The following LUZP1 variants were observed in gnomAD, a reference collection of about 807,000 sequenced individuals.
The protein encoded by LUZP1 is filamin mechanobinding actin cross-linking protein.
A neutral mutation model predicts 71.3 loss-of-function variants in LUZP1; 25 were observed. The observed-to-expected ratio is 0.35, with a 90% CI of 0.26 to 0.49. The LOEUF is 0.49. LUZP1 is among the 20% of genes least tolerant of loss of function. The pLI is 0.99. For synonymous variants in LUZP1, 481 were observed against 506.4 expected (o/e 0.95, Z 0.67); for missense variants, 1,142 against 1,300.8 (o/e 0.88, Z 1.88).
intron 2 of LUZP1, among the ~76,000 whole-genome samples, chr1:23,161,385 C>T (rs549121872): frequency 6.6e-6 from 1 of 152,254 alleles, no homozygotes; most frequent in East Asian, 1.9e-4. Flanking sequence ...TGAAGGCAGC[C>T]ATGCAAAGAG....
At position 23,173,562 on chromosome 1, in the gene LUZP1, G is replaced by T. The variant is rs563034130; in HGVS notation, c.-485+3929C>A. Among the ~76,000 whole-genome samples the T allele has an allele frequency of 5.3e-5, 8 of 151,844 alleles. No homozygotes were observed. The South Asian group carries it at 1.7e-3, about 32-fold the overall frequency. On this transcript the variant is annotated intron_variant, in intron 1 of 4. Transcript: ENST00000302291. Reference sequence around the variant, plus strand: ...GGTAGAGATGGGGTTTCACCATGCTGCCCAGGCTGGTCTCCATCTTCTGAG... The same window carrying T: ...GGTAGAGATGGGGTTTCACCATGCTTCCCAGGCTGGTCTCCATCTTCTGAG...
chr1:23,150,378 G>A (rs936312623), intron 2 of LUZP1, among the ~76,000 whole-genome samples: 2 of 152,126 alleles, frequency 1.3e-5, no homozygotes, highest in Non-Finnish European at 2.9e-5. Context: ...TGCTCCCCTC[G>A]TCCAAGGAGT....
At position 23,093,113 on chromosome 1, in the gene LUZP1, A is replaced by G. The variant is rs773215252; in HGVS notation, c.1149T>C (p.Ala383=). 5.0e-6 allele frequency: 8 copies of G among 1,614,006 alleles called. No individual in the cohort carries two copies. The highest frequency in any genetic ancestry group is 6.8e-6 in the Non-Finnish European group (8 of 1,180,016). Residue 383 remains alanine (A), a synonymous_variant, in exon 4 of 5, where the codon GCT becomes GCC. Coordinates refer to ENST00000302291, the Ensembl canonical transcript of LUZP1. This position sits in a 1 kb window ranked among gnomAD's most constrained non-coding sequence, Gnocchi z 4.2. Reference sequence around the variant, plus strand: ...CCCGCGCTGTGTGCTTGGACACAGAAGCTTCACTTCCGTGGCCTCTAAACT... The same window carrying G: ...CCCGCGCTGTGTGCTTGGACACAGAGGCTTCACTTCCGTGGCCTCTAAACT...
At chr1:23,173,126 T>C (rs1644561965) in intron 1 of LUZP1, among the ~76,000 whole-genome samples, 1 of 151,300 alleles carries the variant, frequency 6.6e-6, no homozygotes, top group Admixed American at 6.6e-5. Flanking sequence ...GCATGGTGGC[T>C]CACACCTGTG....
intron 2 of LUZP1, among the ~76,000 whole-genome samples, chr1:23,114,704 A>C (rs1644063693): frequency 6.6e-6 from 1 of 152,238 alleles, no homozygotes; most frequent in Non-Finnish European, 1.5e-5. Flanking sequence ...ATCCAGAGCC[A>C]GTGATCTTTT....
chr1:23,105,810 T>C (rs1238288031), intron 3 of LUZP1, among the ~76,000 whole-genome samples: 1 of 152,104 alleles, frequency 6.6e-6, no homozygotes, highest in East Asian at 1.9e-4. Flanking sequence ...TTAACACTGA[T>C]CTATTACAAT....
intron 4 of LUZP1, among the ~76,000 whole-genome samples, chr1:23,089,743 C>T (rs936710872): frequency 6.8e-6 from 1 of 147,998 alleles, no homozygotes; most frequent in Non-Finnish European, 1.5e-5. Context: ...CAAGCACGCA[C>T]CACCACACCT....
chr1:23,158,073 T>C (rs1366765273), intron 2 of LUZP1, among the ~76,000 whole-genome samples: 1 of 152,020 alleles, frequency 6.6e-6, no homozygotes, highest in Non-Finnish European at 1.5e-5. Context: ...TGAAACTACA[T>C]AGTAACAAAA....
At chr1:23,158,129 A>C (rs1362561694) in intron 2 of LUZP1, among the ~76,000 whole-genome samples, 3 of 152,230 alleles carry the variant, frequency 2.0e-5, no homozygotes, top group Non-Finnish European at 4.4e-5. Flanking sequence ...AAGCAGTCAA[A>C]TGATACTGAA....
At chr1:23,089,341 G>C (rs1410524931) in intron 4 of LUZP1, among the ~76,000 whole-genome samples, 4 of 152,160 alleles carry the variant, frequency 2.6e-5, no homozygotes, top group Non-Finnish European at 5.9e-5. Flanking sequence ...CCTGGAATGG[G>C]GGCATGGGAC....
chr1:23,125,521 A>C (rs960570497), intron 2 of LUZP1, among the ~76,000 whole-genome samples: 1 of 152,208 alleles, frequency 6.6e-6, no homozygotes, highest in African/African-American at 2.4e-5. Context: ...AAATAACTAG[A>C]ATTTTCAATA....
At chr1:23,137,689 T>C (rs1233575804) in intron 2 of LUZP1, among the ~76,000 whole-genome samples, 1 of 151,136 alleles carries the variant, frequency 6.6e-6, no homozygotes, top group Admixed American at 6.6e-5. Context: ...ATGGCTGTAA[T>C]AAAAAAAAGA....
Position 23,109,130 on chromosome 1 carries a change from G to T in LUZP1, c.-225-3C>A, listed in dbSNP as rs1454589159. ...TTCAAAGGCAGTTGTCTCTTGACCT[G>T]GATAGAATATAAACAGAATGGAAGA... On this transcript the variant is annotated splice_region_variant and splice_polypyrimidine_tract_variant and intron_variant, in intron 2 of 4. Transcript: ENST00000302291. 1 of 152,246 alleles carries T rather than the reference G, an allele frequency of 6.6e-6. No homozygotes were observed. The highest frequency in any genetic ancestry group is 1.9e-4 in the East Asian group (1 of 5,182). 9.4% of individuals were successfully genotyped at this position (152,246 alleles called of 1,614,324 possible).
chr1:23,161,072 T>A (rs1644460735), intron 2 of LUZP1, among the ~76,000 whole-genome samples: 1 of 152,128 alleles, frequency 6.6e-6, no homozygotes, highest in Non-Finnish European at 1.5e-5. Context: ...GGACAAAAGA[T>A]AATGGGACCA....
chr1:23,138,210 G>A (rs986325329), intron 2 of LUZP1, among the ~76,000 whole-genome samples: 1 of 152,044 alleles, frequency 6.6e-6, no homozygotes, highest in Non-Finnish European at 1.5e-5. Flanking sequence ...CTGAGCTCAG[G>A]CAATCCACCC....
chr1:23,093,299 G>T lies in LUZP1; in HGVS notation c.963C>A (p.Asp321Glu). ...GTTCACTTAGGTAATTATCCTGAAG[G>T]TCGTTATTTTTGGACTTCATTTTCT... The change falls in exon 4 of 5, where the codon GAC becomes GAA. Residue 321 changes from aspartate to glutamate, a missense_variant. Asp to Glu is a conservative substitution (Grantham distance 45, BLOSUM62 2). Transcript: ENST00000302291. This position sits in a 1 kb window ranked among gnomAD's most constrained non-coding sequence, Gnocchi z 4.2. The T allele has an allele frequency of 6.2e-7, 1 of 1,610,560 alleles. No homozygotes were observed. Among genetic ancestry groups the T allele is most frequent in the Non-Finnish European group, 8.5e-7 (1 of 1,179,194 alleles).
chr1:23,149,817 C>T (rs985627464), intron 2 of LUZP1, among the ~76,000 whole-genome samples: 5 of 151,908 alleles, frequency 3.3e-5, no homozygotes, highest in African/African-American at 1.2e-4. Context: ...CAAAAATTAG[C>T]TGGGTGTGGT....
intron 2 of LUZP1, chr1:23,133,329 T>C (rs1049919199): frequency 6.6e-6 from 1 of 152,240 alleles, no homozygotes; most frequent in Non-Finnish European, 1.5e-5. Flanking sequence ...GTGTAATAAT[T>C]GATTCAAGCT....
intron 3 of LUZP1, among the ~76,000 whole-genome samples, chr1:23,101,926 A>G (rs1416053913): frequency 2.6e-5 from 4 of 152,296 alleles, no homozygotes; most frequent in African/African-American, 9.6e-5. Context: ...CCTTGCCTTT[A>G]AGGAATCATA....
Sources: gnomAD v4.1 joint callset for allele counts (sites outside exome capture counted in the v4.1 genomes callset) on GRCh38, gnomAD v4.1.1 for gene constraint, Gnocchi (gnomAD v3.1) non-coding constraint, MANE v1.5 for transcripts, NCBI Gene and HGNC (gene_info 2026-07-23, HGNC 2026-07-21) for gene names.